Variants in SAMD4A observed in about 807,000 individuals in gnomAD.
The protein encoded by SAMD4A is protein Smaug homolog 1.
Under a neutral mutation model 81.3 loss-of-function variants are expected in SAMD4A, and 33 were observed. That is an observed-to-expected ratio of 0.41 (90% confidence interval 0.31 to 0.54). SAMD4A has a LOEUF of 0.54. SAMD4A is among the 20% of genes least tolerant of loss of function. The pLI is 0.37. For missense variants in SAMD4A, 854 were observed against 951.1 expected, an observed-to-expected ratio of 0.90 and a Z score of 1.34; for synonymous variants, 389 against 382.1, an observed-to-expected ratio of 1.02 and a Z score of -0.21.
At chr14:54,744,696 C>A (rs1447440675) in intron 4 of SAMD4A, among the ~76,000 whole-genome samples, 1 of 152,160 alleles carries the variant, frequency 6.6e-6, no homozygotes, top group African/African-American at 2.4e-5. Flanking sequence ...TGCACTTCCC[C>A]CTGAAAGTCT....
rs553413449 is a variant in SAMD4A, at chr14:54,578,039, G to T, written c.196+9927G>T. Among the ~76,000 whole-genome samples, 5 of 152,294 alleles carry T rather than the reference G, an allele frequency of 3.3e-5. 1 individual carries two copies. In the South Asian group the frequency reaches 1.0e-3, roughly 32 times the overall value. On this transcript the variant is annotated intron_variant, in intron 2 of 12. Transcript: ENST00000554335. ...GCATCAAGCAGAATAATCCTTTCGAGTAAGACTGGCTCCTGTTTATTGAGC... is the reference window on the plus strand; with the variant it reads ...GCATCAAGCAGAATAATCCTTTCGATTAAGACTGGCTCCTGTTTATTGAGC...
intron 4 of SAMD4A, among the ~76,000 whole-genome samples, chr14:54,747,936 A>AG (rs1216463871): frequency 6.6e-6 from 1 of 152,246 alleles, no homozygotes; most frequent in Non-Finnish European, 1.5e-5. Context: ...TTATTTAACA[A>AG]GGTAATAGTT....
intron 2 of SAMD4A, among the ~76,000 whole-genome samples, chr14:54,619,272 C>G (rs1050760424): frequency 6.6e-6 from 1 of 152,196 alleles, no homozygotes; most frequent in Non-Finnish European, 1.5e-5. Context: ...ACTTTCTTTT[C>G]ATCCTATCCA....
chr14:54,786,014 G>A (rs1203996163), intron 12 of SAMD4A, among the ~76,000 whole-genome samples: 1 of 152,228 alleles, frequency 6.6e-6, no homozygotes, highest in Middle Eastern at 3.2e-3. Context: ...CTGGCAGGAG[G>A]TGCTGCCAGC....
chr14:54,700,522 T>C (rs2036688243), intron 2 of SAMD4A, among the ~76,000 whole-genome samples: 1 of 152,224 alleles, frequency 6.6e-6, no homozygotes, highest in African/African-American at 2.4e-5. Flanking sequence ...TTGTTATGTT[T>C]GCACCTAGCT....
intron 2 of SAMD4A, among the ~76,000 whole-genome samples, chr14:54,584,958 A>G (rs2033574709): frequency 6.6e-6 from 1 of 152,220 alleles, no homozygotes; most frequent in South Asian, 2.1e-4. Flanking sequence ...GAAAGATTTA[A>G]AAAAGAAAAA....
intron 2 of SAMD4A, among the ~76,000 whole-genome samples, chr14:54,700,245 G>A (rs1354757186): frequency 6.6e-6 from 1 of 152,098 alleles, no homozygotes; most frequent in Non-Finnish European, 1.5e-5. Context: ...CACATGGAGG[G>A]GCAGATGCTA....
intron 11 of SAMD4A, among the ~76,000 whole-genome samples, chr14:54,784,035 CA>C (rs1158433929): frequency 6.6e-6 from 1 of 152,246 alleles, no homozygotes; most frequent in Non-Finnish European, 1.5e-5. Flanking sequence ...ATGGCTCATA[CA>C]AGGAACAAAG....
intron 2 of SAMD4A, among the ~76,000 whole-genome samples, chr14:54,683,213 G>A (rs2036171617): frequency 1.3e-5 from 2 of 152,252 alleles, no homozygotes; most frequent in South Asian, 4.1e-4. Context: ...ATCTCAGGAC[G>A]ATCCTTATAG....
chr14:54,676,539 G>A (rs549103747), intron 2 of SAMD4A, among the ~76,000 whole-genome samples: 330 of 133,868 alleles, frequency 2.5e-3, no homozygotes, highest in Non-Finnish European at 3.0e-3. Flanking sequence ...ACCACACCCA[G>A]CTAATTTTTT....
intron 4 of SAMD4A, among the ~76,000 whole-genome samples, chr14:54,741,783 T>C (rs969555589): frequency 6.6e-6 from 1 of 151,974 alleles, no homozygotes; most frequent in Non-Finnish European, 1.5e-5. Flanking sequence ...GTCAGCCAAA[T>C]AGTAAGTGAA....
chr14:54,661,613 A>C (rs551547617), intron 2 of SAMD4A, among the ~76,000 whole-genome samples: 30 of 152,156 alleles, frequency 2.0e-4, no homozygotes, highest in African/African-American at 7.2e-4. Flanking sequence ...TGGGTCATGG[A>C]TTCCTTCTTT....
chr14:54,591,989 C>G (rs942604), intron 2 of SAMD4A, among the ~76,000 whole-genome samples: 68,336 of 151,614 alleles, frequency 0.45, 15,545 homozygotes, highest in East Asian at 0.54. Flanking sequence ...TGCCTTTTTC[C>G]CTTTTCCTCC....
chr14:54,776,369 C>A, intron 10 of SAMD4A, 45 bp from the exon 11 acceptor site: 1 of 1,566,580 alleles, frequency 6.4e-7, no homozygotes, highest in Non-Finnish European at 8.6e-7. Context: ...CTCTCCACCC[C>A]AGTGGGGCTG....
At chr14:54,781,964 G>A (rs2039009149) in intron 11 of SAMD4A, among the ~76,000 whole-genome samples, 2 of 152,246 alleles carry the variant, frequency 1.3e-5, no homozygotes, top group Admixed American at 1.3e-4. Flanking sequence ...CTTCTCCCAA[G>A]ACTTAGAATT....
chr14:54,762,964 C>G (rs2038442117), intron 7 of SAMD4A, among the ~76,000 whole-genome samples: 1 of 151,598 alleles, frequency 6.6e-6, no homozygotes, highest in South Asian at 2.1e-4. Flanking sequence ...ATGCCATTCT[C>G]CTGCCTCAGC....
intron 2 of SAMD4A, among the ~76,000 whole-genome samples, chr14:54,654,142 C>A (rs80056806): frequency 6.6e-6 from 1 of 152,158 alleles, no homozygotes; most frequent in African/African-American, 2.4e-5. Context: ...TCCTCAGAAC[C>A]GGTAGATGAC....
At chr14:54,610,565 G>A (rs2034326939) in intron 2 of SAMD4A, among the ~76,000 whole-genome samples, 1 of 152,172 alleles carries the variant, frequency 6.6e-6, no homozygotes, top group African/African-American at 2.4e-5. Flanking sequence ...GGTTGCTTAT[G>A]ACTAAATGTT....
intron 2 of SAMD4A, among the ~76,000 whole-genome samples, chr14:54,666,040 C>A (rs1446695995): frequency 6.6e-6 from 1 of 152,070 alleles, no homozygotes; most frequent in South Asian, 2.1e-4. Flanking sequence ...AAAAGAGAGA[C>A]TTTTTGGTTC....
Sources: allele counts gnomAD v4.1 joint callset (sites outside exome capture counted in the v4.1 genomes callset), GRCh38; gene constraint gnomAD v4.1.1; transcripts MANE v1.5; gene names NCBI Gene and HGNC (gene_info 2026-07-23, HGNC 2026-07-21).